The following HS6ST2 variants were observed in gnomAD, a reference collection of about 807,000 sequenced individuals.
HS6ST2 encodes the protein heparan sulfate 6-O-sulfotransferase 2.
Under a neutral mutation model 33.0 loss-of-function variants are expected in HS6ST2, and 17 were observed. The ratio of observed to expected loss-of-function variants is 0.52; its 90% confidence interval spans 0.35 to 0.77. HS6ST2 has a LOEUF of 0.77. Ranked by LOEUF, HS6ST2 falls within the 30% of genes least tolerant of loss-of-function variation. The pLI is 0.01. For synonymous variants in HS6ST2, 248 were observed against 237.1 expected, an observed-to-expected ratio of 1.05 and a Z score of -0.42; for missense variants, 519 against 551.7, an observed-to-expected ratio of 0.94 and a Z score of 0.59.
chrX:132,757,066 G>A (rs1449179684), intron 2 of HS6ST2, among the ~76,000 whole-genome samples: 8 of 111,705 alleles, frequency 7.2e-5, no homozygotes, highest in Admixed American at 6.7e-4. Context: ...AGACATAGAT[G>A]TGTAATCTAA....
At chrX:132,649,903 G>C (rs188628152) in intron 4 of HS6ST2, among the ~76,000 whole-genome samples, 1 of 110,297 alleles carries the variant, frequency 9.1e-6, no homozygotes, top group East Asian at 2.8e-4. Flanking sequence ...TTACAGATGA[G>C]GAAACCAAGA....
intron 4 of HS6ST2, among the ~76,000 whole-genome samples, chrX:132,646,418 C>T (rs1299008090): frequency 9.1e-6 from 1 of 109,786 alleles, no homozygotes; most frequent in Admixed American, 9.7e-5. Context: ...CCTGTAGTCC[C>T]TGATACTTGG....
intron 3 of HS6ST2, among the ~76,000 whole-genome samples, chrX:132,683,252 G>T (rs938660674): frequency 8.9e-6 from 1 of 112,132 alleles, no homozygotes. Context: ...CTGCTTGCCA[G>T]GATGTATCCA....
chrX:132,893,345 T>C (rs2066335243), intron 2 of HS6ST2, among the ~76,000 whole-genome samples: 1 of 112,455 alleles, frequency 8.9e-6, no homozygotes, highest in African/African-American at 3.2e-5. Flanking sequence ...TGTTAAGATT[T>C]GTATTACATC....
intron 2 of HS6ST2, among the ~76,000 whole-genome samples, chrX:132,713,009 G>A (rs767496426): frequency 1.1e-4 from 12 of 110,739 alleles, no homozygotes; most frequent in Non-Finnish European, 1.5e-4. Context: ...TAGGTGACAG[G>A]GTGAGACTCT....
intron 2 of HS6ST2, among the ~76,000 whole-genome samples, chrX:132,829,177 CAT>C (rs71855456): frequency 0.042 from 2,687 of 63,610 alleles, 145 homozygotes; most frequent in African/African-American, 0.13. Context: ...AGGTAAGGAA[CAT>C]ATATATATAT....
chrX:132,764,939 C>T (rs1266842542), intron 2 of HS6ST2, among the ~76,000 whole-genome samples: 1 of 112,274 alleles, frequency 8.9e-6, no homozygotes, highest in Non-Finnish European at 1.9e-5. Flanking sequence ...TATTCTCTCA[C>T]CTCCCACTTG....
intron 2 of HS6ST2, among the ~76,000 whole-genome samples, chrX:132,737,498 T>C (rs1392591574): frequency 9.0e-6 from 1 of 111,305 alleles, no homozygotes; most frequent in Non-Finnish European, 1.9e-5. Flanking sequence ...GCCCTCCCTT[T>C]ATCTTCTAGT....
chrX:132,645,301 C>T (rs1455896854), intron 4 of HS6ST2, among the ~76,000 whole-genome samples: 1 of 112,548 alleles, frequency 8.9e-6, no homozygotes, highest in East Asian at 2.8e-4. Flanking sequence ...AGGAGGCCAT[C>T]CAAAAATCAC....
intron 4 of HS6ST2, among the ~76,000 whole-genome samples, chrX:132,656,404 A>G (rs1236033712): frequency 9.0e-6 from 1 of 111,389 alleles, no homozygotes; most frequent in Non-Finnish European, 1.9e-5. Flanking sequence ...CTACACTGGT[A>G]GTTATCAGTT....
chrX:132,956,727 TC>T lies in HS6ST2; in HGVS notation c.947+80del, dbSNP rs1241129690. 189 of 1,061,117 alleles carry T rather than the reference TC, an allele frequency of 1.8e-4. 1 individual carries two copies. The East Asian group carries it at 6.5e-3, about 36-fold the overall frequency. 87.4% of individuals were successfully genotyped at this position (1,061,117 alleles called of 1,213,427 possible). On this transcript the variant is annotated intron_variant, in intron 2 of 4. Transcript: ENST00000370833. ...CCCGGGCGTCAGGGTGCGCGCTAGGTCCCCGGCTTGGGCCAGCCGCGCCTCC... is the reference window on the plus strand; with the variant it reads ...CCCGGGCGTCAGGGTGCGCGCTAGGTCCCGGCTTGGGCCAGCCGCGCCTCC...
At chrX:132,924,953 C>A (rs914810903) in intron 2 of HS6ST2, among the ~76,000 whole-genome samples, 2 of 111,128 alleles carry the variant, frequency 1.8e-5, no homozygotes. Context: ...TGAGACCGTG[C>A]GCCTGTGGTC....
intron 2 of HS6ST2, among the ~76,000 whole-genome samples, chrX:132,821,587 A>G (rs1245221795): frequency 9.1e-6 from 1 of 110,444 alleles, no homozygotes; most frequent in Non-Finnish European, 1.9e-5. Flanking sequence ...AGGCCCTCCA[A>G]TCCCCAGGGT....
intron 2 of HS6ST2, chrX:132,808,603 A>G (rs2065309313): frequency 8.9e-6 from 1 of 112,556 alleles, no homozygotes; most frequent in African/African-American, 3.2e-5. Flanking sequence ...TTTGGGGTCA[A>G]GATCAAATTC....
chrX:132,890,320 C>A (rs2066295189), intron 2 of HS6ST2, among the ~76,000 whole-genome samples: 2 of 109,063 alleles, frequency 1.8e-5, no homozygotes, highest in Non-Finnish European at 3.8e-5. Flanking sequence ...GGATTTGAAT[C>A]CATGCAGTCT....
At chrX:132,738,858 C>T (rs1415899138) in intron 2 of HS6ST2, among the ~76,000 whole-genome samples, 1 of 111,757 alleles carries the variant, frequency 8.9e-6, no homozygotes, top group East Asian at 2.8e-4. Flanking sequence ...TGGGAGGGGT[C>T]ACAGCTATAG....
chrX:132,841,606 G>A (rs1416942463), intron 2 of HS6ST2, among the ~76,000 whole-genome samples: 3 of 111,581 alleles, frequency 2.7e-5, no homozygotes, highest in Non-Finnish European at 5.6e-5. Context: ...CAGTCAGTTT[G>A]GTGAGCTACC....
At chrX:132,950,812 A>C in intron 2 of HS6ST2, among the ~76,000 whole-genome samples, 1 of 111,797 alleles carries the variant, frequency 8.9e-6, no homozygotes, top group East Asian at 2.8e-4. Context: ...TTTTTTTGAC[A>C]GATAAGCATA....
chrX:132,669,222 A>C (rs1206319505), intron 3 of HS6ST2, 23 bp from the exon 4 acceptor site: 1 of 1,169,557 alleles, frequency 8.6e-7, no homozygotes, highest in Non-Finnish European at 1.2e-6. Context: ...AAAGAATAGA[A>C]AACATATACA....
Sources: allele counts gnomAD v4.1 joint callset (sites outside exome capture counted in the v4.1 genomes callset), GRCh38; gene constraint gnomAD v4.1.1; transcripts MANE v1.5; gene names NCBI Gene and HGNC (gene_info 2026-07-23, HGNC 2026-07-21).